Variants in NUBPL observed in about 807,000 individuals in gnomAD.
The protein encoded by NUBPL is iron-sulfur cluster transfer protein NUBPL.
Under a neutral mutation model 45.7 loss-of-function variants are expected in NUBPL, and 31 were observed. That is an observed-to-expected ratio of 0.68 (90% CI 0.51 to 0.92). The LOEUF is 0.92. NUBPL is among the 40% of genes least tolerant of loss of function. The pLI is 0.00. For synonymous variants in NUBPL, 144 were observed against 140.9 expected (o/e 1.02, Z -0.15); for missense variants, 401 against 398.7 (o/e 1.01, Z -0.05).
At chr14:31,672,981 T>C (rs1281034822) in intron 4 of NUBPL, among the ~76,000 whole-genome samples, 2 of 152,184 alleles carry the variant, frequency 1.3e-5, no homozygotes, top group Non-Finnish European at 2.9e-5. Context: ...GAGATGTTAG[T>C]CAAGTAGTGC....
intron 4 of NUBPL, among the ~76,000 whole-genome samples, chr14:31,619,334 T>A (rs1455893867): frequency 1.3e-5 from 2 of 152,210 alleles, no homozygotes; most frequent in African/African-American, 4.8e-5. Context: ...ATTAGGATGC[T>A]AGGTGGTTAT....
At chr14:31,578,111 T>C (rs549085078) in intron 3 of NUBPL, 2 of 562,620 alleles carry the variant, frequency 3.6e-6, no homozygotes, top group South Asian at 1.5e-5. Flanking sequence ...GTCCATAATA[T>C]TACCAAGGAA....
intron 4 of NUBPL, among the ~76,000 whole-genome samples, chr14:31,651,898 CAAAAAAAA>C (rs528694961): frequency 1.1e-4 from 10 of 91,450 alleles, no homozygotes; most frequent in South Asian, 8.2e-4. Flanking sequence ...GACTCTGTCT[CAAAAAAAA>C]AAAAAAAGAA....
chr14:31,806,099 A>G (rs533699094), intron 7 of NUBPL, among the ~76,000 whole-genome samples: 64 of 152,312 alleles, frequency 4.2e-4, no homozygotes, highest in African/African-American at 1.5e-3. Flanking sequence ...AAAGTTGTGC[A>G]CTTGGTCATA....
chr14:31,767,830 T>C (rs1197149761), intron 6 of NUBPL, among the ~76,000 whole-genome samples: 1 of 152,176 alleles, frequency 6.6e-6, no homozygotes, highest in Admixed American at 6.5e-5. Flanking sequence ...TGAGCCATGA[T>C]GGTGCCACTG....
At chr14:31,676,270 G>A (rs554097384) in intron 6 of NUBPL, among the ~76,000 whole-genome samples, 8 of 151,954 alleles carry the variant, frequency 5.3e-5, no homozygotes, top group South Asian at 4.2e-4. Flanking sequence ...TGATCTGCCC[G>A]TCTCGGTCTC....
chr14:31,734,595 TTTC>T (rs1400308710), intron 6 of NUBPL, among the ~76,000 whole-genome samples: 3 of 152,054 alleles, frequency 2.0e-5, no homozygotes, highest in Non-Finnish European at 2.9e-5. Context: ...ATTTCATAAA[TTTC>T]TTCATTTTAA....
chr14:31,701,788 G>T (rs561606423), intron 6 of NUBPL, among the ~76,000 whole-genome samples: 1 of 152,246 alleles, frequency 6.6e-6, no homozygotes, highest in South Asian at 2.1e-4. Flanking sequence ...TCACTGCGAG[G>T]GTCCGCGGCT....
At chr14:31,816,475 A>T (rs1291555810) in intron 7 of NUBPL, among the ~76,000 whole-genome samples, 1 of 151,918 alleles carries the variant, frequency 6.6e-6, no homozygotes, top group Non-Finnish European at 1.5e-5. Flanking sequence ...CCTTTGAAAA[A>T]ATCAGCTCCT....
intron 4 of NUBPL, among the ~76,000 whole-genome samples, chr14:31,655,542 G>T (rs559722173): frequency 6.6e-6 from 1 of 152,076 alleles, no homozygotes; most frequent in African/African-American, 2.4e-5. Flanking sequence ...GCAAAACCCC[G>T]TCTCTACTGA....
chr14:31,820,545 C>T lies in NUBPL; in HGVS notation c.608-6084C>T, dbSNP rs184641252. On this transcript the variant is annotated intron_variant, in intron 7 of 10. Transcript: ENST00000281081. ...CCTTTAAAATTTAAAAATCTGGGGC[C>T]GTGTGCGGTGGTGCACGCCTGTAAT... Among the ~76,000 whole-genome samples, 607 of 152,130 alleles carry T rather than the reference C, an allele frequency of 4.0e-3. 5 individuals carry two copies. The highest frequency in any genetic ancestry group is 2.7e-3 in the Non-Finnish European group (184 of 68,010).
At chr14:31,661,805 G>A (rs1406243399) in intron 4 of NUBPL, among the ~76,000 whole-genome samples, 4 of 152,176 alleles carry the variant, frequency 2.6e-5, no homozygotes, top group African/African-American at 9.7e-5. Context: ...CTCTCAAAGT[G>A]CTGGGATTAC....
At chr14:31,585,225 T>C (rs2033965200) in intron 3 of NUBPL, among the ~76,000 whole-genome samples, 1 of 151,904 alleles carries the variant, frequency 6.6e-6, no homozygotes, top group Non-Finnish European at 1.5e-5. Flanking sequence ...ACACTAGCGA[T>C]AGTTGATGAA....
intron 6 of NUBPL, among the ~76,000 whole-genome samples, chr14:31,727,110 A>G (rs1448728326): frequency 6.6e-6 from 1 of 152,226 alleles, no homozygotes; most frequent in Non-Finnish European, 1.5e-5. Context: ...TTCATTAGAT[A>G]AAATTAAAGA....
intron 3 of NUBPL, among the ~76,000 whole-genome samples, chr14:31,576,490 G>A (rs2033720318): frequency 6.6e-6 from 1 of 152,070 alleles, no homozygotes; most frequent in African/African-American, 2.4e-5. Context: ...GAAACTCTTG[G>A]GCTTAAGTCG....
chr14:31,600,877 A>G (rs2034415104), intron 4 of NUBPL, among the ~76,000 whole-genome samples: 1 of 151,394 alleles, frequency 6.6e-6, no homozygotes, highest in South Asian at 2.1e-4. Flanking sequence ...TAGGGTTTTT[A>G]TGGTTTTAGG....
chr14:31,841,729 T>G (rs554545493), intron 8 of NUBPL, among the ~76,000 whole-genome samples: 3 of 152,036 alleles, frequency 2.0e-5, no homozygotes, highest in African/African-American at 7.2e-5. Context: ...TATTGCCTAT[T>G]TTTTTCTAAA....
chr14:31,762,758 T>C (rs2038839625), intron 6 of NUBPL, among the ~76,000 whole-genome samples: 1 of 151,414 alleles, frequency 6.6e-6, no homozygotes, highest in Non-Finnish European at 1.5e-5. Context: ...ATAGCCTTCC[T>C]TGAAGGCAAG....
chr14:31,658,445 TAATA>T (rs1245706704), intron 4 of NUBPL, among the ~76,000 whole-genome samples: 1 of 152,062 alleles, frequency 6.6e-6, no homozygotes, highest in Non-Finnish European at 1.5e-5. Flanking sequence ...TAATTTATGA[TAATA>T]AATAATATTT....
Sources: gnomAD v4.1 joint callset for allele counts (sites outside exome capture counted in the v4.1 genomes callset) on GRCh38, gnomAD v4.1.1 for gene constraint, MANE v1.5 for transcripts, NCBI Gene and HGNC (gene_info 2026-07-23, HGNC 2026-07-21) for gene names.